LRRTM4: variants seen among roughly 807,000 people sequenced by gnomAD.
LRRTM4 encodes the protein leucine-rich repeat transmembrane neuronal protein 4.
In LRRTM4, 25 loss-of-function variants were observed where a neutral mutation model predicts 47.6. The observed-to-expected ratio is 0.53, with a 90% CI of 0.38 to 0.73. LRRTM4 has a LOEUF of 0.73. Ranked by LOEUF, LRRTM4 falls within the 30% of genes least tolerant of loss-of-function variation. The pLI is 0.00. For synonymous variants in LRRTM4, 311 were observed against 269.5 expected (o/e 1.15, Z -1.51); for missense variants, 638 against 713.4 (o/e 0.89, Z 1.20).
At chr2:76,813,469 G>C (rs1029233664) in intron 3 of LRRTM4, among the ~76,000 whole-genome samples, 10 of 152,180 alleles carry the variant, frequency 6.6e-5, no homozygotes, top group Admixed American at 4.6e-4. Context: ...CCAAGACACA[G>C]AGTATAAAAA....
chr2:76,881,076 A>T (rs1245777422), intron 3 of LRRTM4, among the ~76,000 whole-genome samples: 1 of 152,186 alleles, frequency 6.6e-6, no homozygotes, highest in Non-Finnish European at 1.5e-5. Flanking sequence ...ATACAATTTC[A>T]AACAGCAAGA....
At chr2:76,840,700 A>AAG (rs1168830751) in intron 3 of LRRTM4, among the ~76,000 whole-genome samples, 1 of 152,164 alleles carries the variant, frequency 6.6e-6, no homozygotes, top group East Asian at 1.9e-4. Flanking sequence ...AAGAAAACAA[A>AAG]AGAGAGAGAG....
chr2:76,897,050 G>A (rs111245109), intron 3 of LRRTM4, among the ~76,000 whole-genome samples: 5 of 151,900 alleles, frequency 3.3e-5, no homozygotes, highest in Admixed American at 6.6e-5. Flanking sequence ...ACGGACACTC[G>A]TAGCTTATTT....
chr2:77,483,560 C>G (rs1677798913), intron 3 of LRRTM4, among the ~76,000 whole-genome samples: 2 of 152,116 alleles, frequency 1.3e-5, no homozygotes, highest in South Asian at 2.1e-4. Context: ...AAGCTGCTCT[C>G]GAGCCACGGA....
chr2:77,200,429 G>A (rs1038806998), intron 3 of LRRTM4, among the ~76,000 whole-genome samples: 45 of 151,960 alleles, frequency 3.0e-4, no homozygotes, highest in Non-Finnish European at 2.6e-4. Context: ...TAATTGTTAT[G>A]CATATATATG....
chr2:76,851,505 T>C (rs1671993866), intron 3 of LRRTM4, among the ~76,000 whole-genome samples: 1 of 152,132 alleles, frequency 6.6e-6, no homozygotes, highest in South Asian at 2.1e-4. Flanking sequence ...GGCTTGTCCT[T>C]ACCGTTGCTG....
At chr2:76,755,253 G>A (rs939782957) in intron 3 of LRRTM4, among the ~76,000 whole-genome samples, 37 of 152,098 alleles carry the variant, frequency 2.4e-4, no homozygotes, top group South Asian at 2.1e-4. Context: ...TCATGGGGAG[G>A]AAGTTTTGCA....
intron 3 of LRRTM4, among the ~76,000 whole-genome samples, chr2:76,894,772 T>C (rs1431761731): frequency 6.6e-6 from 1 of 151,982 alleles, no homozygotes; most frequent in Non-Finnish European, 1.5e-5. Context: ...TGTATTTGTA[T>C]ATTTATCACA....
At chr2:77,284,699 A>G (rs1329344822) in intron 3 of LRRTM4, among the ~76,000 whole-genome samples, 1 of 152,118 alleles carries the variant, frequency 6.6e-6, no homozygotes, top group African/African-American at 2.4e-5. Flanking sequence ...ATTTCTTCAA[A>G]GTCCTTCTGT....
At chr2:77,390,016 A>G (rs1302838348) in intron 3 of LRRTM4, among the ~76,000 whole-genome samples, 1 of 152,098 alleles carries the variant, frequency 6.6e-6, no homozygotes, top group Non-Finnish European at 1.5e-5. Flanking sequence ...TTGACCTTTC[A>G]CAAACAACAC....
intron 3 of LRRTM4, among the ~76,000 whole-genome samples, chr2:76,831,030 ATT>A (rs1271121132): frequency 6.6e-6 from 1 of 152,132 alleles, no homozygotes; most frequent in Non-Finnish European, 1.5e-5. Context: ...TCTTAAGAAT[ATT>A]TGTGTTTGCT....
chr2:76,841,435 A>AT (rs1374409774), intron 3 of LRRTM4, among the ~76,000 whole-genome samples: 2 of 152,064 alleles, frequency 1.3e-5, no homozygotes, highest in African/African-American at 4.8e-5. Context: ...TAATAATAAA[A>AT]TTAAAAAAAA....
chr2:77,016,849 T>C (rs577699693), intron 3 of LRRTM4, among the ~76,000 whole-genome samples: 67 of 152,248 alleles, frequency 4.4e-4, no homozygotes, highest in African/African-American at 1.1e-3. Context: ...GCAAGGCCAA[T>C]TGGATATTTG....
intron 3 of LRRTM4, among the ~76,000 whole-genome samples, chr2:77,182,702 C>A (rs1232617159): frequency 6.6e-6 from 1 of 152,124 alleles, no homozygotes; most frequent in African/African-American, 2.4e-5. Flanking sequence ...GAACTTCCAA[C>A]ACTATGTTGA....
At chr2:77,196,111 GT>G (rs1313225931) in intron 3 of LRRTM4, among the ~76,000 whole-genome samples, 1 of 152,096 alleles carries the variant, frequency 6.6e-6, no homozygotes, top group Non-Finnish European at 1.5e-5. Flanking sequence ...TGGTATATTT[GT>G]TTGGTTATTG....
intron 3 of LRRTM4, among the ~76,000 whole-genome samples, chr2:76,918,837 A>G (rs1335365406): frequency 6.6e-6 from 1 of 152,200 alleles, no homozygotes; most frequent in Non-Finnish European, 1.5e-5. Flanking sequence ...TGTTAAGAGC[A>G]TGAATAAGAA....
intron 3 of LRRTM4, among the ~76,000 whole-genome samples, chr2:77,484,213 TG>T (rs1264495187): frequency 6.6e-6 from 1 of 152,240 alleles, no homozygotes; most frequent in Non-Finnish European, 1.5e-5. Context: ...TTGTGGCCAC[TG>T]GGTAACTAAG....
intron 3 of LRRTM4, among the ~76,000 whole-genome samples, chr2:77,342,820 A>G: frequency 6.8e-6 from 1 of 147,806 alleles, no homozygotes; most frequent in East Asian, 2.0e-4. Flanking sequence ...TACTCTGTAA[A>G]TACATCAGTG....
chr2:77,253,153 A>G (rs1434381118), intron 3 of LRRTM4, among the ~76,000 whole-genome samples: 2 of 152,186 alleles, frequency 1.3e-5, no homozygotes, highest in Non-Finnish European at 2.9e-5. Flanking sequence ...GCCTTAATAT[A>G]AAACATGGCT....
Sources: gnomAD v4.1 joint callset for allele counts (sites outside exome capture counted in the v4.1 genomes callset) on GRCh38, gnomAD v4.1.1 for gene constraint, MANE v1.5 for transcripts, NCBI Gene and HGNC (gene_info 2026-07-23, HGNC 2026-07-21) for gene names.